ATG4C: variants seen among roughly 807,000 people sequenced by gnomAD.
The protein encoded by ATG4C is autophagy related 4C cysteine peptidase, also known as cysteine protease ATG4C.
ATG4C carries 56 observed loss-of-function variants against 57.6 expected under a neutral mutation model. The ratio of observed to expected loss-of-function variants is 0.97; its 90% confidence interval spans 0.78 to 1.21. ATG4C has a LOEUF of 1.21. Among genes scored for constraint, ATG4C ranks in the 50% most tolerant of loss-of-function variants. ATG4C has a pLI of 0.00. For missense variants in ATG4C, 595 were observed against 529.8 expected (o/e 1.12, Z -1.21); for synonymous variants, 157 against 174.1 (o/e 0.90, Z 0.78).
intron 1 of ATG4C, among the ~76,000 whole-genome samples, chr1:62,792,381 A>C (rs572061091): frequency 1.3e-5 from 2 of 152,182 alleles, no homozygotes; most frequent in Non-Finnish European, 2.9e-5. Flanking sequence ...CAGTTGAAGG[A>C]ATTGGGACAT....
chr1:62,816,249 C>T (rs1029705596), intron 3 of ATG4C, among the ~76,000 whole-genome samples: 8 of 151,988 alleles, frequency 5.3e-5, no homozygotes, highest in African/African-American at 1.9e-4. Flanking sequence ...AATCTAATAT[C>T]GTCCTTGTCT....
At chr1:62,793,618 A>AAAAAAAAAAAAAAAAAAAAC (rs1553221617) in intron 1 of ATG4C, among the ~76,000 whole-genome samples, 3 of 104,054 alleles carry the variant, frequency 2.9e-5, no homozygotes, top group African/African-American at 3.9e-5. Context: ...AAAAAAAAAA[A>AAAAAAAAAAAAAAAAAAAAC]AACCAAAAAA....
chr1:62,842,159 T>C (rs1296457644), intron 10 of ATG4C, among the ~76,000 whole-genome samples: 1 of 152,186 alleles, frequency 6.6e-6, no homozygotes, highest in Non-Finnish European at 1.5e-5. Flanking sequence ...GGAACCTTAA[T>C]ATCTGTCTCT....
intron 6 of ATG4C, among the ~76,000 whole-genome samples, chr1:62,821,621 G>T (rs1214548935): frequency 1.3e-5 from 2 of 152,038 alleles, no homozygotes; most frequent in African/African-American, 2.4e-5. Flanking sequence ...TAATGATGCA[G>T]CTATTGTCCA....
Position 62,834,041 on chromosome 1 carries a change from A to G in ATG4C, c.937A>G (p.Ile313Val). ...NTDYLEFVKG[I>V]LSLEYCVGII... Reference sequence around the variant, plus strand: ...CTGTATTAATTTTTTTTGGCAGGGTATTTTAAGCCTGGAATATTGTGTGGG... The same window carrying G: ...CTGTATTAATTTTTTTTGGCAGGGTGTTTTAAGCCTGGAATATTGTGTGGG... The change falls in exon 8 of 11, where the codon ATT becomes GTT. Residue 313 changes from isoleucine (I) to valine (V), a missense_variant. Physicochemically the swap from Ile to Val is conservative, Grantham distance 29. Transcript: ENST00000317868. 6.2e-7 allele frequency: 1 copy of G among 1,610,944 alleles called. No individual in the cohort carries two copies. The highest frequency in any genetic ancestry group is 8.5e-7 in the Non-Finnish European group (1 of 1,178,632).
chr1:62,811,970 C>T (rs1448627879), intron 3 of ATG4C, among the ~76,000 whole-genome samples: 1 of 152,020 alleles, frequency 6.6e-6, no homozygotes, highest in African/African-American at 2.4e-5. Flanking sequence ...AACCTATTGA[C>T]AACATTAAGT....
chr1:62,829,762 A>G (rs1665781956), intron 7 of ATG4C, among the ~76,000 whole-genome samples: 1 of 152,116 alleles, frequency 6.6e-6, no homozygotes. Context: ...TAGTTATGGT[A>G]TCTTGTTTTG....
chr1:62,799,033 TC>T (rs1306288916), intron 1 of ATG4C, among the ~76,000 whole-genome samples: 1 of 152,084 alleles, frequency 6.6e-6, no homozygotes, highest in African/African-American at 2.4e-5. Context: ...GCTCAAGTGA[TC>T]CCCCAACCTC....
At chr1:62,848,640 C>G (rs1666399311) in intron 10 of ATG4C, among the ~76,000 whole-genome samples, 1 of 152,160 alleles carries the variant, frequency 6.6e-6, no homozygotes, top group Non-Finnish European at 1.5e-5. Context: ...CCCCATTAGC[C>G]TTGAATAGTT....
chr1:62,837,215 C>T lies in ATG4C; in HGVS notation c.1089+2363C>T, dbSNP rs367999442. Among the ~76,000 whole-genome samples the T allele has an allele frequency of 2.6e-5, 4 of 152,104 alleles. No individual in the cohort carries two copies. In the South Asian group the frequency reaches 8.3e-4, roughly 32 times the overall value. ...ATATCCTATTGAATTTCTATACTAACTTTTAAGAGACTCTTCCTCATTTTT... is the reference window on the plus strand; with the variant it reads ...ATATCCTATTGAATTTCTATACTAATTTTTAAGAGACTCTTCCTCATTTTT... On this transcript the variant is annotated intron_variant, in intron 9 of 10. Transcript: ENST00000317868.
chr1:62,800,130 C>A (rs1439701035), intron 1 of ATG4C, among the ~76,000 whole-genome samples: 1 of 152,090 alleles, frequency 6.6e-6, no homozygotes, highest in African/African-American at 2.4e-5. Flanking sequence ...GAGGACTGTC[C>A]AGAGTATTCT....
At chr1:62,841,682 GAATTGAAAAA>G (rs1666172990) in intron 10 of ATG4C, 135 bp downstream of exon 10, 2 of 751,918 alleles carry the variant, frequency 2.7e-6, no homozygotes, top group Non-Finnish European at 2.0e-6. Context: ...GGAGTATTGT[GAATTGAAAAA>G]TAAAGCCATT....
chr1:62,793,028 A>C (rs1664333235), intron 1 of ATG4C, among the ~76,000 whole-genome samples: 1 of 151,730 alleles, frequency 6.6e-6, no homozygotes, highest in African/African-American at 2.4e-5. Flanking sequence ...CTGGGACTAC[A>C]GGCGCCTGCC....
At chr1:62,852,835 T>C (rs552062091) in intron 10 of ATG4C, among the ~76,000 whole-genome samples, 1 of 152,238 alleles carries the variant, frequency 6.6e-6, no homozygotes, top group South Asian at 2.1e-4. Context: ...GAAAAATCTC[T>C]TTTTTTCTGG....
chr1:62,808,674 G>A (rs1664960911), intron 3 of ATG4C, among the ~76,000 whole-genome samples: 2 of 152,156 alleles, frequency 1.3e-5, no homozygotes, highest in Non-Finnish European at 2.9e-5. Flanking sequence ...GTGTATAAAT[G>A]CTTAAAAGAG....
intron 7 of ATG4C, among the ~76,000 whole-genome samples, chr1:62,832,070 TA>T (rs1262782390): frequency 6.6e-6 from 1 of 152,162 alleles, no homozygotes; most frequent in Non-Finnish European, 1.5e-5. Context: ...GATTTTTATT[TA>T]GGGGGAAAAC....
chr1:62,847,820 G>T (rs1666374472), intron 10 of ATG4C, among the ~76,000 whole-genome samples: 1 of 152,138 alleles, frequency 6.6e-6, no homozygotes, highest in South Asian at 2.1e-4. Flanking sequence ...GGAGGCAAAT[G>T]GTCCGGGAGA....
At chr1:62,818,807 C>G (rs1233107331) in intron 4 of ATG4C, among the ~76,000 whole-genome samples, 198 bp from the exon 5 acceptor site, 1 of 152,018 alleles carries the variant, frequency 6.6e-6, no homozygotes, top group African/African-American at 2.4e-5. Context: ...TTGAAGAAAC[C>G]TTGTACTCAT....
At chr1:62,859,204 G>C (rs1312846368) in intron 10 of ATG4C, among the ~76,000 whole-genome samples, 2 of 152,084 alleles carry the variant, frequency 1.3e-5, no homozygotes, top group African/African-American at 4.8e-5. Flanking sequence ...TCAGATTTTG[G>C]ATTTTTGGAT....
Sources: allele counts gnomAD v4.1 joint callset (sites outside exome capture counted in the v4.1 genomes callset), GRCh38; gene constraint gnomAD v4.1.1; transcripts MANE v1.5; gene names NCBI Gene and HGNC (gene_info 2026-07-23, HGNC 2026-07-21).